RAPGEF5: variants seen among roughly 807,000 people sequenced by gnomAD.
The protein encoded by RAPGEF5 is M-Ras-regulated GEF.
In RAPGEF5, 65 loss-of-function variants were observed where a neutral mutation model predicts 125.2. The ratio of observed to expected loss-of-function variants is 0.52; its 90% confidence interval spans 0.43 to 0.64. The LOEUF is 0.64. RAPGEF5 is among the 30% of genes least tolerant of loss of function. The pLI is 0.00. For missense variants in RAPGEF5, 958 were observed against 1,048.1 expected (o/e 0.91, Z 1.19); for synonymous variants, 391 against 385.9 (o/e 1.01, Z -0.16).
At chr7:22,279,019 C>G (rs1782617240) in intron 6 of RAPGEF5, among the ~76,000 whole-genome samples, 1 of 152,098 alleles carries the variant, frequency 6.6e-6, no homozygotes, top group African/African-American at 2.4e-5. Context: ...CCTTACCCAG[C>G]TACATAGCCT....
chr7:22,217,523 G>A lies in RAPGEF5; in HGVS notation c.996+2343C>T, dbSNP rs550195373. Among the ~76,000 whole-genome samples the A allele has an allele frequency of 1.7e-4, 26 of 152,284 alleles. No individual in the cohort carries two copies. The East Asian group carries it at 4.0e-3, about 24-fold the overall frequency. On this transcript the variant is annotated intron_variant, in intron 9 of 25. Coordinates refer to ENST00000665637, the MANE Select transcript of RAPGEF5 (RefSeq NM_012294.5). ...TTCCTAATAAATTACTGCAAAAACT[G>A]TAACCATCTAGTACCAAATAATTCA... is the stretch of plus-strand genomic sequence containing the variant.
At chr7:22,161,925 T>C (rs1314020932) in intron 13 of RAPGEF5, among the ~76,000 whole-genome samples, 1 of 152,228 alleles carries the variant, frequency 6.6e-6, no homozygotes, top group East Asian at 1.9e-4. Context: ...AGCCTATTAA[T>C]TAGAAAAAAT....
At chr7:22,134,374 T>C (rs1222854517) in intron 23 of RAPGEF5, among the ~76,000 whole-genome samples, 3 of 152,234 alleles carry the variant, frequency 2.0e-5, no homozygotes, top group Non-Finnish European at 2.9e-5. Flanking sequence ...GTTTATTTCT[T>C]ATTCTTTTGA....
intron 6 of RAPGEF5, among the ~76,000 whole-genome samples, chr7:22,285,810 G>T (rs1019895148): frequency 6.6e-6 from 1 of 152,150 alleles, no homozygotes; most frequent in Non-Finnish European, 1.5e-5. Flanking sequence ...CTTATGAAAA[G>T]CCCTTATGAA....
intron 7 of RAPGEF5, among the ~76,000 whole-genome samples, chr7:22,247,124 T>C (rs1200073417): frequency 6.6e-6 from 1 of 152,214 alleles, no homozygotes; most frequent in Non-Finnish European, 1.5e-5. Flanking sequence ...TTGTACACTG[T>C]TGGTGAGAAT....
intron 17 of RAPGEF5, among the ~76,000 whole-genome samples, chr7:22,152,870 A>T (rs954789296): frequency 4.6e-5 from 7 of 152,252 alleles, no homozygotes; most frequent in Non-Finnish European, 1.0e-4. Flanking sequence ...GAGGATGGAA[A>T]ATAATGGCAC....
intron 7 of RAPGEF5, among the ~76,000 whole-genome samples, chr7:22,237,065 A>T (rs1786210375): frequency 6.7e-6 from 1 of 149,908 alleles, no homozygotes; most frequent in Admixed American, 6.6e-5. Context: ...CCCTGCCTTC[A>T]CCAGGTGAAA....
chr7:22,294,339 T>G (rs1227709231), intron 5 of RAPGEF5, among the ~76,000 whole-genome samples: 3 of 152,204 alleles, frequency 2.0e-5, no homozygotes, highest in African/African-American at 4.8e-5. Context: ...GGGTTACCTT[T>G]CAAGGTCTCT....
At chr7:22,203,237 A>G (rs1785320467) in intron 9 of RAPGEF5, among the ~76,000 whole-genome samples, 1 of 152,098 alleles carries the variant, frequency 6.6e-6, no homozygotes. Context: ...AGGGATGATG[A>G]AATAGATCAT....
chr7:22,299,100 T>C (rs1783136309), intron 5 of RAPGEF5, among the ~76,000 whole-genome samples: 1 of 152,046 alleles, frequency 6.6e-6, no homozygotes. Context: ...ATTTTTGTTA[T>C]CTTTATTAAT....
intron 9 of RAPGEF5, among the ~76,000 whole-genome samples, chr7:22,212,945 T>A: frequency 1.3e-5 from 2 of 152,226 alleles, no homozygotes; most frequent in East Asian, 3.8e-4. Flanking sequence ...ATGGCTATTT[T>A]AATTTTACAA....
chr7:22,146,656 T>G (rs1412387028), intron 19 of RAPGEF5, among the ~76,000 whole-genome samples: 1 of 152,154 alleles, frequency 6.6e-6, no homozygotes, highest in Non-Finnish European at 1.5e-5. Flanking sequence ...TTTATATGCA[T>G]GAAATACAGC....
chr7:22,355,144 G>A (rs1254133670), intron 1 of RAPGEF5, among the ~76,000 whole-genome samples: 3 of 152,132 alleles, frequency 2.0e-5, no homozygotes, highest in African/African-American at 7.2e-5. Context: ...TGTTTGGAAA[G>A]TCCCAAAAAG....
intron 1 of RAPGEF5, among the ~76,000 whole-genome samples, chr7:22,336,540 G>A (rs983848490): frequency 1.3e-5 from 2 of 152,172 alleles, no homozygotes; most frequent in African/African-American, 2.4e-5. Flanking sequence ...GGAGGTTGAT[G>A]TTACAATTTT....
At chr7:22,225,182 T>C (rs780409957) in intron 8 of RAPGEF5, among the ~76,000 whole-genome samples, 8 of 152,086 alleles carry the variant, frequency 5.3e-5, no homozygotes, top group Admixed American at 1.3e-4. Context: ...AATAAATAAA[T>C]ATGTAAATAA....
intron 6 of RAPGEF5, among the ~76,000 whole-genome samples, chr7:22,286,313 T>C (rs564018310): frequency 6.6e-6 from 1 of 152,330 alleles, no homozygotes; most frequent in Admixed American, 6.5e-5. Context: ...ACCTCCCACA[T>C]ACCCATCTTA....
At position 22,172,211 on chromosome 7, in the gene RAPGEF5, C is replaced by A. The variant is rs755192601; in HGVS notation, c.1205-5063G>T. ...GATCTCAGCTCACTGCAATCTCCGC[C>A]TCCTGGGTTCAAGCTATTCTCCTGC... On this transcript the variant is annotated intron_variant, in intron 11 of 25. Transcript: ENST00000665637. Among the ~76,000 whole-genome samples the A allele has an allele frequency of 2.1e-4, 32 of 152,004 alleles. 1 individual carries two copies. Among genetic ancestry groups the A allele is most frequent in the Admixed American group, 1.6e-3 (24 of 15,264 alleles).
intron 5 of RAPGEF5, among the ~76,000 whole-genome samples, chr7:22,303,394 A>G (rs1212871746): frequency 4.6e-5 from 7 of 152,178 alleles, no homozygotes; most frequent in Non-Finnish European, 1.0e-4. Context: ...TGTTTCTTCA[A>G]ACTAGCTTAG....
chr7:22,125,864 C>A (rs1583381378), intron 24 of RAPGEF5, among the ~76,000 whole-genome samples: 1 of 152,108 alleles, frequency 6.6e-6, no homozygotes, highest in African/African-American at 2.4e-5. Context: ...ACAGTAGCAC[C>A]AGAATGGGTG....
Sources: gnomAD v4.1 joint callset for allele counts (sites outside exome capture counted in the v4.1 genomes callset) on GRCh38, gnomAD v4.1.1 for gene constraint, MANE v1.5 for transcripts, NCBI Gene and HGNC (gene_info 2026-07-23, HGNC 2026-07-21) for gene names.